CDC25C: variants seen among roughly 807,000 people sequenced by gnomAD.
The protein encoded by CDC25C is cell division cycle 25C.
In CDC25C, 48 loss-of-function variants were observed where a neutral mutation model predicts 52.5. The ratio of observed to expected loss-of-function variants is 0.91; its 90% CI spans 0.72 to 1.16. CDC25C has a LOEUF of 1.16. Among genes scored for constraint, CDC25C ranks in the 50% most tolerant of loss-of-function variants. The pLI, the probability that CDC25C is intolerant of heterozygous loss-of-function variation, is 0.00. For missense variants in CDC25C, 510 were observed against 566.1 expected (o/e 0.90, Z 1.01); for synonymous variants, 187 against 206.5 (o/e 0.91, Z 0.81).
At chr5:138,289,709 C>T (rs1191192600) in intron 9 of CDC25C, 146 bp from the exon 10 acceptor site, 5 of 605,386 alleles carry the variant, frequency 8.3e-6, no homozygotes, top group Non-Finnish European at 1.2e-5. Context: ...AGTGCATATA[C>T]ATCAAGTCCA....
chr5:138,318,003 G>C (rs1759036269), intron 7 of CDC25C, among the ~76,000 whole-genome samples: 1 of 152,114 alleles, frequency 6.6e-6, no homozygotes, highest in Non-Finnish European at 1.5e-5. Flanking sequence ...GTAGTGACCT[G>C]ATAACCTATC....
At chr5:138,330,943 G>A (rs1241356307) in intron 2 of CDC25C, 44 bp downstream of exon 2, 1 of 1,365,080 alleles carries the variant, frequency 7.3e-7, no homozygotes, top group Non-Finnish European at 1.0e-6. Context: ...CAACTGTTTG[G>A]AAATAGCAAA....
chr5:138,291,121 A>G (rs1756673930), intron 8 of CDC25C, among the ~76,000 whole-genome samples: 1 of 151,984 alleles, frequency 6.6e-6, no homozygotes, highest in Non-Finnish European at 1.5e-5. Flanking sequence ...TAGAATTTTA[A>G]TTTTTTATTT....
At chr5:138,293,680 G>A (rs1266939095) in intron 7 of CDC25C, among the ~76,000 whole-genome samples, 4 of 145,514 alleles carry the variant, frequency 2.7e-5, no homozygotes, top group African/African-American at 7.7e-5. Flanking sequence ...ATAGGGTCTC[G>A]CTGTCACTCT....
chr5:138,331,332 G>A (rs902184562), intron 1 of CDC25C, 114 bp from the exon 2 acceptor site: 3 of 764,864 alleles, frequency 3.9e-6, no homozygotes, highest in Non-Finnish European at 6.3e-6. Flanking sequence ...ACCCCGAAGG[G>A]TGATTCACAG....
chr5:138,296,609 T>TTA (rs1554114505), intron 7 of CDC25C, among the ~76,000 whole-genome samples: 3 of 73,274 alleles, frequency 4.1e-5, no homozygotes, highest in Non-Finnish European at 1.1e-4. Flanking sequence ...TTATTAATTA[T>TTA]TTTTTTTTTT....
chr5:138,332,738 C>A (rs1188352123), upstream of CDC25C, among the ~76,000 whole-genome samples: 1 of 152,142 alleles, frequency 6.6e-6, no homozygotes. Flanking sequence ...TGGTGGCACA[C>A]ACCTGTAATC....
At chr5:138,334,026 T>C (rs12659106), upstream of CDC25C, among the ~76,000 whole-genome samples, 1,667 of 152,018 alleles carry the variant, frequency 0.011, 30 homozygotes, top group African/African-American at 0.036. Flanking sequence ...CTCTGCCTCC[T>C]GGGTTCAAGT....
chr5:138,327,053 G>C (rs1006588262), intron 4 of CDC25C, among the ~76,000 whole-genome samples: 1 of 149,846 alleles, frequency 6.7e-6, no homozygotes, highest in African/African-American at 2.5e-5. Context: ...TCAAGAGATA[G>C]AGACCGTCCT....
At chr5:138,328,918 T>C in intron 3 of CDC25C, 1 of 172,942 alleles carries the variant, frequency 5.8e-6, no homozygotes, top group Non-Finnish European at 1.2e-5. Context: ...ATATTTCTTT[T>C]TTTTTGAGAT....
intron 7 of CDC25C, among the ~76,000 whole-genome samples, chr5:138,307,367 C>G (rs1327054506): frequency 6.6e-6 from 1 of 150,902 alleles, no homozygotes; most frequent in Non-Finnish European, 1.5e-5. Context: ...TTGCATGTGC[C>G]TGTAGTCCCA....
chr5:138,335,103 C>T (rs891435765), upstream of CDC25C: 1 of 152,250 alleles, frequency 6.6e-6, no homozygotes, highest in South Asian at 2.1e-4. Context: ...AGTGACAGCC[C>T]GGGCTTCACC....
intron 6 of CDC25C, among the ~76,000 whole-genome samples, chr5:138,323,442 C>A (rs1197408564): frequency 6.6e-6 from 1 of 151,984 alleles, no homozygotes; most frequent in African/African-American, 2.4e-5. Context: ...AGACTACAGG[C>A]ATGCACCACC....
chr5:138,329,805 A>G (rs1760204589), intron 2 of CDC25C, among the ~76,000 whole-genome samples, 158 bp from the exon 3 acceptor site: 2 of 133,622 alleles, frequency 1.5e-5, no homozygotes, highest in African/African-American at 5.8e-5. Flanking sequence ...ATCTTGGCTC[A>G]CTGCAACCTC....
At chr5:138,337,887 C>T (rs1760824120) in intron 1 of CDC25C, 3 of 1,164,912 alleles carry the variant, frequency 2.6e-6, no homozygotes, top group South Asian at 1.3e-5. Context: ...GTGACGCGGC[C>T]CGAACCGAGT....
chr5:138,328,712 AT>A, intron 3 of CDC25C, 183 bp from the exon 4 acceptor site: 1 of 545,876 alleles, frequency 1.8e-6, no homozygotes. Flanking sequence ...AAACGTAAGA[AT>A]TTATATGTGT....
At chr5:138,311,650 T>C (rs1232845069) in intron 7 of CDC25C, among the ~76,000 whole-genome samples, 2 of 152,060 alleles carry the variant, frequency 1.3e-5, no homozygotes. Flanking sequence ...AATCTGGCAA[T>C]GATTTCTCAG....
At chr5:138,304,452 C>G (rs1304492475) in intron 7 of CDC25C, among the ~76,000 whole-genome samples, 1 of 149,532 alleles carries the variant, frequency 6.7e-6, no homozygotes, top group Non-Finnish European at 1.5e-5. Context: ...CTACCACCAA[C>G]TGTAGCTAGG....
intron 7 of CDC25C, among the ~76,000 whole-genome samples, chr5:138,312,476 A>C (rs2126761260): frequency 6.6e-6 from 1 of 152,386 alleles, no homozygotes; most frequent in South Asian, 2.1e-4. Context: ...AAATGTCACA[A>C]AATGTGATAT....
Sources: allele counts gnomAD v4.1 joint callset (sites outside exome capture counted in the v4.1 genomes callset), GRCh38; gene constraint gnomAD v4.1.1; transcripts MANE v1.5; gene names NCBI Gene and HGNC (gene_info 2026-07-23, HGNC 2026-07-21).